Variants in TPRG1 observed in about 807,000 individuals in gnomAD.
TPRG1 encodes tumor protein p63-regulated gene 1 protein.
In TPRG1, 29 loss-of-function variants were observed where a neutral mutation model predicts 29.3. The observed-to-expected ratio is 0.99, with a 90% CI of 0.74 to 1.35. The LOEUF (loss-of-function observed/expected upper bound fraction) is 1.35, where lower values mean the gene tolerates loss of function less well. TPRG1 is among the 40% of genes most tolerant of loss of function. TPRG1 has a pLI of 0.00. For synonymous variants in TPRG1, 130 were observed against 116.8 expected, an observed-to-expected ratio of 1.11 and a Z score of -0.73; for missense variants, 327 against 335.0, an observed-to-expected ratio of 0.98 and a Z score of 0.19.
At chr3:189,157,992 T>C (rs1046531149) in intron 5 of TPRG1, among the ~76,000 whole-genome samples, 3 of 152,232 alleles carry the variant, frequency 2.0e-5, no homozygotes, top group African/African-American at 7.2e-5. Context: ...CCTTTTAGGA[T>C]GTTATTTACT....
chr3:189,260,903 T>C (rs1256461603), intron 4 of TPRG1, among the ~76,000 whole-genome samples: 3 of 152,208 alleles, frequency 2.0e-5, no homozygotes, highest in Non-Finnish European at 4.4e-5. Flanking sequence ...TGCTGCTCCA[T>C]GCCCTCAGAG....
intron 4 of TPRG1, among the ~76,000 whole-genome samples, chr3:189,244,498 C>T (rs1741091570): frequency 1.3e-5 from 2 of 152,092 alleles, no homozygotes; most frequent in South Asian, 4.1e-4. Context: ...CTAGAGAGGC[C>T]TCAGGAAGTT....
At chr3:189,187,907 TTG>T (rs1387074509) in intron 1 of TPRG1, among the ~76,000 whole-genome samples, 2 of 152,172 alleles carry the variant, frequency 1.3e-5, no homozygotes, top group African/African-American at 4.8e-5. Flanking sequence ...TGTCTTTGAG[TTG>T]TAGTGAATAA....
intron 1 of TPRG1, among the ~76,000 whole-genome samples, chr3:189,178,225 T>A (rs943080636): frequency 2.0e-5 from 3 of 152,130 alleles, no homozygotes; most frequent in African/African-American, 7.2e-5. Context: ...GGAGGAAAGA[T>A]AACAGAAGTA....
intron 1 of TPRG1, among the ~76,000 whole-genome samples, chr3:189,204,520 A>G (rs1435005112): frequency 6.6e-6 from 1 of 152,156 alleles, no homozygotes; most frequent in Non-Finnish European, 1.5e-5. Context: ...CTTTCCCACT[A>G]TTTATGGCAG....
intron 4 of TPRG1, among the ~76,000 whole-genome samples, chr3:189,038,366 C>G (rs1714415940): frequency 6.6e-6 from 1 of 151,902 alleles, no homozygotes; most frequent in Non-Finnish European, 1.5e-5. Flanking sequence ...ATGATGTCTT[C>G]ATATATAATC....
rs1724258397 is a variant in TPRG1, at chr3:189,320,937, A to G, written c.*117A>G. On this transcript the variant is annotated 3_prime_UTR_variant, in exon 6 of 6. Coordinates refer to ENST00000345063, the MANE Select transcript of TPRG1 (RefSeq NM_198485.4). Reference sequence around the variant, plus strand: ...AATTATTTTTAAATGACGCTTTATGATTTAGAAATTTAGTATTTCCGAAAA... The same window carrying G: ...AATTATTTTTAAATGACGCTTTATGGTTTAGAAATTTAGTATTTCCGAAAA... The G allele has an allele frequency of 1.0e-6, 1 of 979,262 alleles. No homozygotes were observed. The highest frequency in any genetic ancestry group is 1.4e-6 in the Non-Finnish European group (1 of 699,720). The allele number at this position is 979,262 out of a possible 1,614,324, so 60.7% of individuals were successfully genotyped here.
chr3:189,010,137 T>C (rs564957038), intron 3 of TPRG1, among the ~76,000 whole-genome samples: 1 of 152,330 alleles, frequency 6.6e-6, no homozygotes, highest in Non-Finnish European at 1.5e-5. Context: ...TTCCTTTTTA[T>C]GGCTGCATAG....
intron 4 of TPRG1, among the ~76,000 whole-genome samples, chr3:189,057,350 AAG>A (rs1715766817): frequency 6.6e-6 from 1 of 152,192 alleles, no homozygotes; most frequent in Non-Finnish European, 1.5e-5. Context: ...TGTAACATGA[AAG>A]AGAAGATTTT....
chr3:189,284,353 C>G (rs887295770), intron 4 of TPRG1, among the ~76,000 whole-genome samples: 22 of 118,202 alleles, frequency 1.9e-4, no homozygotes, highest in East Asian at 9.1e-4. Context: ...CCTCCCCCCC[C>G]CTCCCCCCAC....
chr3:189,311,313 T>A (rs968315608), intron 5 of TPRG1, among the ~76,000 whole-genome samples: 4 of 152,236 alleles, frequency 2.6e-5, no homozygotes, highest in Non-Finnish European at 5.9e-5. Flanking sequence ...CCGTCCTTTT[T>A]ATGTTTACTT....
At chr3:189,116,468 C>T (rs185644427) in intron 1 of TPRG1, among the ~76,000 whole-genome samples, 13 of 152,272 alleles carry the variant, frequency 8.5e-5, no homozygotes, top group East Asian at 1.9e-4. Flanking sequence ...TGAGCCACCG[C>T]GCCCAGCTCG....
intron 4 of TPRG1, among the ~76,000 whole-genome samples, chr3:189,078,194 A>G (rs1436969948): frequency 4.8e-5 from 7 of 145,510 alleles, no homozygotes; most frequent in South Asian, 2.1e-4. Flanking sequence ...CTGGAATGCA[A>G]TAGCACTATC....
At chr3:189,055,743 T>C (rs557138439) in intron 4 of TPRG1, among the ~76,000 whole-genome samples, 1 of 152,228 alleles carries the variant, frequency 6.6e-6, no homozygotes, top group East Asian at 1.9e-4. Flanking sequence ...AAGCTAGCGT[T>C]CATGAAATTG....
chr3:189,159,836 GTGTA>G (rs537805377), intron 5 of TPRG1, among the ~76,000 whole-genome samples: 9,597 of 116,758 alleles, frequency 0.082, 387 homozygotes, highest in Admixed American at 0.16. Context: ...TGGAGTGTTT[GTGTA>G]TGTGTGTGTG....
intron 1 of TPRG1, among the ~76,000 whole-genome samples, chr3:189,196,571 G>A (rs534781096): frequency 3.9e-5 from 6 of 152,038 alleles, no homozygotes; most frequent in East Asian, 1.9e-4. Context: ...ATCAGATCTC[G>A]TGATACTTAC....
chr3:189,057,844 GTGTA>G (rs1236219359), intron 4 of TPRG1, among the ~76,000 whole-genome samples: 4 of 109,422 alleles, frequency 3.7e-5, no homozygotes, highest in African/African-American at 1.2e-4. Context: ...ATATGTATGT[GTGTA>G]TATATATACA....
At chr3:189,029,925 A>G (rs1368808249) in intron 4 of TPRG1, among the ~76,000 whole-genome samples, 3 of 152,232 alleles carry the variant, frequency 2.0e-5, no homozygotes, top group Admixed American at 1.3e-4. Context: ...CACCATAAGC[A>G]GATATCAGCA....
intron 4 of TPRG1, among the ~76,000 whole-genome samples, chr3:189,074,833 A>G (rs940762895): frequency 6.7e-6 from 1 of 149,914 alleles, no homozygotes; most frequent in African/African-American, 2.5e-5. Context: ...TTTTCTTGAG[A>G]CGGAGTCTCG....
Sources: allele counts gnomAD v4.1 joint callset (sites outside exome capture counted in the v4.1 genomes callset), GRCh38; gene constraint gnomAD v4.1.1; transcripts MANE v1.5; gene names NCBI Gene and HGNC (gene_info 2026-07-23, HGNC 2026-07-21).